CCDC88C: variants seen among roughly 807,000 people sequenced by gnomAD.
CCDC88C encodes protein Daple.
A neutral mutation model predicts 198.8 loss-of-function variants in CCDC88C; 131 were observed. The observed-to-expected ratio is 0.66, with a 90% CI of 0.57 to 0.76. The LOEUF (loss-of-function observed/expected upper bound fraction) is 0.76. Among genes scored for constraint, CCDC88C ranks in the 30% least tolerant of loss-of-function variants. The pLI is 0.00. For missense variants in CCDC88C, 2,553 were observed against 2,631.6 expected (o/e 0.97, Z 0.65); for synonymous variants, 1,166 against 1,114.7 (o/e 1.05, Z -0.92).
At position 91,271,806 on chromosome 14, in the gene CCDC88C, C is replaced by T. The variant is rs1029741171; in HGVS notation, c.*819G>A. ...CTTGCACCTCGCTCTGTGCGGATGACCCCTCGGTGCACTGTGCACACTGGC... is the reference window on the plus strand; with the variant it reads ...CTTGCACCTCGCTCTGTGCGGATGATCCCTCGGTGCACTGTGCACACTGGC... On this transcript the variant is annotated 3_prime_UTR_variant, in exon 30 of 30. Transcript: ENST00000389857. The T allele has an allele frequency of 6.6e-6, 1 of 152,646 alleles. No homozygotes were observed. Among genetic ancestry groups the T allele is most frequent in the East Asian group, 1.9e-4 (1 of 5,208 alleles). The allele number at this position is 152,646 out of a possible 1,614,324, so 9.5% of individuals were successfully genotyped here. A position where few individuals can be genotyped will look rare whatever the true frequency, so the allele number is the denominator to read the frequency against.
chr14:91,276,240 T>C (rs2139715584), intron 29 of CCDC88C, among the ~76,000 whole-genome samples: 1 of 152,366 alleles, frequency 6.6e-6, no homozygotes, highest in African/African-American at 2.4e-5. Flanking sequence ...ACTCAGGGGA[T>C]GGGTTCTGTG....
chr14:91,398,162 C>T (rs937333914), intron 3 of CCDC88C, among the ~76,000 whole-genome samples: 11 of 152,194 alleles, frequency 7.2e-5, no homozygotes, highest in African/African-American at 2.7e-4. Context: ...CCCACAGTTC[C>T]TCGCTGCTAT....
rs10671669 is a variant in CCDC88C, at chr14:91,278,889, C to CTTTTTTTT, written c.4768+341_4768+348dup. ...CCCCAGAGCCAAACCACCAAATACA[C>CTTTTTTTT]TTTTTTTTTTTTTTTTTTTTTTTTT... On this transcript the variant is annotated intron_variant, in intron 28 of 29. Transcript: ENST00000389857. Among the ~76,000 whole-genome samples, 16 of 54,504 alleles carry CTTTTTTTT rather than the reference C, an allele frequency of 2.9e-4. 5 individuals carry two copies. The highest frequency in any genetic ancestry group is 4.6e-4 in the African/African-American group (6 of 13,070). The allele number at this position is 54,504 out of a possible 152,430, so 35.8% of individuals were successfully genotyped here. A position where few individuals can be genotyped will look rare whatever the true frequency, so the allele number is the denominator to read the frequency against.
intron 26 of CCDC88C, 80 bp downstream of exon 26, chr14:91,283,249 C>T (rs1410073530): frequency 7.0e-7 from 1 of 1,421,472 alleles, no homozygotes; most frequent in Non-Finnish European, 9.6e-7. Flanking sequence ...AGAGCAACCT[C>T]TCTGATTTCC....
At chr14:91,409,546 G>T (rs182888716) in intron 2 of CCDC88C, among the ~76,000 whole-genome samples, 150 of 149,472 alleles carry the variant, frequency 1.0e-3, no homozygotes, top group African/African-American at 3.3e-3. Flanking sequence ...GGAGGGCAGT[G>T]GCACGATCTC....
At position 91,389,002 on chromosome 14, in the gene CCDC88C, C is replaced by T. The variant is rs561647966; in HGVS notation, c.270+19657G>A. Among the ~76,000 whole-genome samples, 5 of 152,302 alleles carry T rather than the reference C, an allele frequency of 3.3e-5. No individual in the cohort carries two copies. In the South Asian group the frequency reaches 8.3e-4, roughly 25 times the overall value. On this transcript the variant is annotated intron_variant, in intron 3 of 29. Transcript: ENST00000389857. ...CAAAAACAAAAGACAGAAAATAAAGCACCGAGGGTCCTGATTCTGCTCAGC... is the reference window on the plus strand; with the variant it reads ...CAAAAACAAAAGACAGAAAATAAAGTACCGAGGGTCCTGATTCTGCTCAGC...
intron 23 of CCDC88C, among the ~76,000 whole-genome samples, chr14:91,292,725 G>A (rs1397941985): frequency 1.3e-5 from 2 of 152,014 alleles, no homozygotes; most frequent in African/African-American, 2.4e-5. Flanking sequence ...AGCCATTCCC[G>A]ATCACGTGGA....
intron 17 of CCDC88C, 29 bp from the exon 18 acceptor site, chr14:91,307,255 T>G: frequency 1.2e-6 from 2 of 1,606,462 alleles, no homozygotes; most frequent in Non-Finnish European, 1.7e-6. Context: ...GCAAGGAGGC[T>G]TTAGGCGGAA....
chr14:91,298,879 G>A (rs77806824), intron 21 of CCDC88C, among the ~76,000 whole-genome samples: 1,572 of 152,332 alleles, frequency 0.01, 30 homozygotes, highest in African/African-American at 0.034. Context: ...ACAGGACCTG[G>A]ATTCCATCCT....
chr14:91,340,620 C>T (rs762121894), intron 6 of CCDC88C, among the ~76,000 whole-genome samples: 1 of 152,104 alleles, frequency 6.6e-6, no homozygotes, highest in Non-Finnish European at 1.5e-5. Context: ...ACGCACACCC[C>T]CGGATCTGCC....
intron 17 of CCDC88C, among the ~76,000 whole-genome samples, chr14:91,307,895 C>T (rs1165261382): frequency 6.6e-6 from 1 of 152,222 alleles, no homozygotes; most frequent in African/African-American, 2.4e-5. Flanking sequence ...GTGTGGAGAA[C>T]ACACATCTAT....
chr14:91,343,497 G>A (rs946533895), intron 5 of CCDC88C, 102 bp downstream of exon 5: 1 of 1,535,088 alleles, frequency 6.5e-7, no homozygotes, highest in Non-Finnish European at 8.8e-7. Context: ...TGGACTGAAA[G>A]GAGCATCCTC....
intron 10 of CCDC88C, among the ~76,000 whole-genome samples, chr14:91,336,613 C>A (rs1376169146): frequency 1.3e-5 from 2 of 152,196 alleles, no homozygotes; most frequent in Non-Finnish European, 2.9e-5. Context: ...GAGCCAGTGG[C>A]CCATCTCCAG....
At chr14:91,348,902 C>G (rs1893666368) in intron 4 of CCDC88C, among the ~76,000 whole-genome samples, 1 of 152,178 alleles carries the variant, frequency 6.6e-6, no homozygotes, top group African/African-American at 2.4e-5. Context: ...CCTGTGATCC[C>G]CACCCCTACA....
intron 22 of CCDC88C, among the ~76,000 whole-genome samples, chr14:91,294,805 G>A (rs1187763141): frequency 2.0e-5 from 3 of 152,158 alleles, no homozygotes; most frequent in African/African-American, 4.8e-5. Flanking sequence ...TTACAGGCGC[G>A]TGCCACCACG....
chr14:91,298,290 C>G (rs754562570), intron 21 of CCDC88C, among the ~76,000 whole-genome samples: 1 of 151,906 alleles, frequency 6.6e-6, no homozygotes, highest in Non-Finnish European at 1.5e-5. Flanking sequence ...AAAAAGTTGC[C>G]GGGAACCCGG....
At position 91,360,511 on chromosome 14, in the gene CCDC88C, A is replaced by G. The variant is rs550376887; in HGVS notation, c.271-800T>C. Among the ~76,000 whole-genome samples the G allele has an allele frequency of 2.0e-5, 3 of 152,354 alleles. No homozygotes were observed. In the South Asian group the frequency reaches 6.2e-4, roughly 32 times the overall value. The stretch of plus-strand genomic sequence containing the variant: ...GATGCTACTGAGCCTTTCTAATCTG[A>G]TGGTTCAGGATCCAGCACTAAGCAG... On this transcript the variant is annotated intron_variant, in intron 3 of 29. Coordinates refer to ENST00000389857, the MANE Select transcript of CCDC88C (RefSeq NM_001080414.4).
intron 3 of CCDC88C, among the ~76,000 whole-genome samples, chr14:91,407,672 G>C (rs753566674): frequency 6.6e-6 from 1 of 152,186 alleles, no homozygotes; most frequent in African/African-American, 2.4e-5. Context: ...TTGAAAACCA[G>C]GGCTCCAAGG....
chr14:91,417,356 A>G, intron 1 of CCDC88C: 2 of 601,926 alleles, frequency 3.3e-6, no homozygotes, highest in South Asian at 3.9e-5. Flanking sequence ...GCCAGCCTAG[A>G]GCCCCAGCGG....
Sources: allele counts gnomAD v4.1 joint callset (sites outside exome capture counted in the v4.1 genomes callset), GRCh38; gene constraint gnomAD v4.1.1; transcripts MANE v1.5; gene names NCBI Gene and HGNC (gene_info 2026-07-23, HGNC 2026-07-21).